The following EIF4G3 variants were observed in gnomAD, a reference collection of about 807,000 sequenced individuals.
EIF4G3 encodes eukaryotic translation initiation factor 4 gamma 3.
EIF4G3 carries 34 observed loss-of-function variants against 186.4 expected under a neutral mutation model. The observed-to-expected ratio is 0.18, with a 90% confidence interval of 0.14 to 0.24. The LOEUF (loss-of-function observed/expected upper bound fraction) is 0.24, where lower values mean the gene tolerates loss of function less well. Ranked by LOEUF, EIF4G3 falls within the 10% of genes least tolerant of loss-of-function variation. EIF4G3 has a pLI of 1.00. For missense variants in EIF4G3, 1,536 were observed against 1,948.5 expected, an observed-to-expected ratio of 0.79 and a Z score of 3.99; for synonymous variants, 673 against 679.5, an observed-to-expected ratio of 0.99 and a Z score of 0.15.
At chr1:20,938,776 G>A (rs929798091) in intron 14 of EIF4G3, among the ~76,000 whole-genome samples, 2 of 152,138 alleles carry the variant, frequency 1.3e-5, no homozygotes, top group African/African-American at 4.8e-5. Flanking sequence ...TATTCGGACA[G>A]AAATGAATGG....
At position 21,060,783 on chromosome 1, in the gene EIF4G3, A is replaced by C. The variant is rs1243786297; in HGVS notation, c.-195-9789T>G. Among the ~76,000 whole-genome samples the C allele has an allele frequency of 6.3e-4, 3 of 4,746 alleles. No homozygotes were observed. In the East Asian group the frequency reaches 0.075, roughly 119 times the overall value. 3.1% of individuals were successfully genotyped at this position (4,746 alleles called of 152,430 possible). A position where few individuals can be genotyped will look rare whatever the true frequency, so the allele number is the denominator to read the frequency against. On this transcript the variant is annotated intron_variant, in intron 3 of 36. Transcript: ENST00000602326. ...ACACAGCAAGATCCTGTCTCTTAAG[A>C]AAAAAAAAAAAAAAAAAAAAACAAA... is the stretch of plus-strand genomic sequence containing the variant.
At chr1:20,889,075 T>C (rs546359484) in intron 18 of EIF4G3, among the ~76,000 whole-genome samples, 1 of 152,336 alleles carries the variant, frequency 6.6e-6, no homozygotes, top group South Asian at 2.1e-4. Context: ...AGCCATTTTC[T>C]TTTTTCAGGT....
At chr1:20,950,148 G>C in intron 12 of EIF4G3, 37 bp from the exon 13 acceptor site, 1 of 1,477,370 alleles carries the variant, frequency 6.8e-7, no homozygotes. Context: ...GATAATGAGC[G>C]TGCGAACATA....
chr1:21,046,213 A>G (rs1176394117), intron 4 of EIF4G3, among the ~76,000 whole-genome samples: 1 of 152,238 alleles, frequency 6.6e-6, no homozygotes, highest in African/African-American at 2.4e-5. Context: ...ACTGAAAAGA[A>G]TCTATGCCTA....
At chr1:21,146,316 C>CTT (rs1221007791) in intron 2 of EIF4G3, among the ~76,000 whole-genome samples, 46 of 152,014 alleles carry the variant, frequency 3.0e-4, no homozygotes, top group Admixed American at 2.9e-3. Flanking sequence ...TGAGCCATGG[C>CTT]TACACCACTG....
intron 16 of EIF4G3, 110 bp downstream of exon 16, chr1:20,899,587 T>A (rs2089613052): frequency 2.2e-6 from 3 of 1,338,396 alleles, no homozygotes; most frequent in African/African-American, 1.5e-5. Context: ...AATATTATAT[T>A]GTGATAAACC....
At chr1:20,955,243 T>TC (rs1271246997) in intron 12 of EIF4G3, among the ~76,000 whole-genome samples, 1 of 151,666 alleles carries the variant, frequency 6.6e-6, no homozygotes, top group East Asian at 1.9e-4. Flanking sequence ...TTTTAGTTTT[T>TC]TTTTTTGAGA....
intron 3 of EIF4G3, among the ~76,000 whole-genome samples, chr1:21,068,375 T>A (rs1370551566): frequency 2.9e-5 from 2 of 67,828 alleles, no homozygotes; most frequent in African/African-American, 4.9e-5. Context: ...ACTCTGTCTT[T>A]AAAAAAAAAA....
chr1:20,813,699 T>C (rs1378080215), intron 34 of EIF4G3, among the ~76,000 whole-genome samples: 1 of 150,238 alleles, frequency 6.7e-6, no homozygotes, highest in Non-Finnish European at 1.5e-5. Context: ...AAACCGTGTC[T>C]CTACTAAAAA....
chr1:20,936,105 C>T (rs1279203424), intron 14 of EIF4G3, among the ~76,000 whole-genome samples: 1 of 152,256 alleles, frequency 6.6e-6, no homozygotes, highest in Non-Finnish European at 1.5e-5. Context: ...AAGGGACTTG[C>T]CAACAGGCTC....
intron 34 of EIF4G3, among the ~76,000 whole-genome samples, chr1:20,814,786 T>TCCCCC (rs2060106730): frequency 2.8e-5 from 1 of 35,914 alleles, no homozygotes; most frequent in African/African-American, 1.4e-4. Context: ...CCCCTCCCCC[T>TCCCCC]CTCCCTCTCC....
intron 26 of EIF4G3, among the ~76,000 whole-genome samples, chr1:20,854,463 G>A (rs1446022149): frequency 6.6e-6 from 1 of 151,534 alleles, no homozygotes; most frequent in African/African-American, 2.4e-5. Context: ...GGAGGCCAAG[G>A]TGGGAGGATC....
rs1472067893 is a variant in EIF4G3 at position 20,851,921 on chromosome 1, G to A, written c.3552-443C>T. 5.3e-5 allele frequency among the ~76,000 whole-genome samples: 8 copies of A among 152,272 alleles called. No individual in the cohort carries two copies. In the South Asian group the frequency reaches 1.2e-3, roughly 24 times the overall value. On this transcript the variant is annotated intron_variant, in intron 27 of 36. Transcript: ENST00000602326. ...TAATCCCAGCTACTTGGGAGGCTGA[G>A]GCATGAGACTGGCCTGAAACTGCGA...
intron 33 of EIF4G3, among the ~76,000 whole-genome samples, chr1:20,819,096 T>C (rs1280318351): frequency 6.6e-6 from 1 of 152,088 alleles, no homozygotes; most frequent in African/African-American, 2.4e-5. Flanking sequence ...TGGCTCAATA[T>C]TACAATTTTT....
intron 7 of EIF4G3, among the ~76,000 whole-genome samples, chr1:20,984,790 G>C (rs972344077): frequency 6.6e-6 from 1 of 151,316 alleles, no homozygotes; most frequent in Admixed American, 6.6e-5. Flanking sequence ...GGGTTTCACC[G>C]TGTTAGCCAA....
intron 14 of EIF4G3, among the ~76,000 whole-genome samples, chr1:20,933,982 G>A (rs1035259723): frequency 6.6e-6 from 1 of 152,326 alleles, no homozygotes; most frequent in East Asian, 1.9e-4. Flanking sequence ...TTACAGGCAT[G>A]AGCCACTACG....
intron 13 of EIF4G3, among the ~76,000 whole-genome samples, chr1:20,945,390 G>A (rs563786672): frequency 5.9e-5 from 9 of 152,216 alleles, no homozygotes; most frequent in African/African-American, 1.9e-4. Context: ...GGCATATAAT[G>A]GCATACTATG....
chr1:20,883,549 G>A (rs932100728), intron 19 of EIF4G3, among the ~76,000 whole-genome samples: 11 of 151,976 alleles, frequency 7.2e-5, no homozygotes, highest in Non-Finnish European at 1.2e-4. Flanking sequence ...CCTGGGAGGC[G>A]GAGGCTGCAG....
intron 3 of EIF4G3, among the ~76,000 whole-genome samples, chr1:21,052,724 G>A (rs1231946085): frequency 6.6e-6 from 1 of 152,184 alleles, no homozygotes; most frequent in African/African-American, 2.4e-5. Flanking sequence ...GCGATTGCAG[G>A]CGCGCGCCGC....
Sources: allele counts gnomAD v4.1 joint callset (sites outside exome capture counted in the v4.1 genomes callset), GRCh38; gene constraint gnomAD v4.1.1; transcripts MANE v1.5; gene names NCBI Gene and HGNC (gene_info 2026-07-23, HGNC 2026-07-21).